Variants in NXPH1 observed in about 807,000 individuals in gnomAD.
The protein encoded by NXPH1 is neurexophilin-1.
In NXPH1, 5 loss-of-function variants were observed where a neutral mutation model predicts 23.7. That is an observed-to-expected ratio of 0.21 (90% confidence interval 0.11 to 0.44). NXPH1 has a LOEUF of 0.44. Ranked by LOEUF, NXPH1 falls within the 20% of genes least tolerant of loss-of-function variation. The pLI is 0.99. For missense variants in NXPH1, 324 were observed against 321.6 expected, an observed-to-expected ratio of 1.01 and a Z score of -0.06; for synonymous variants, 144 against 122.2, an observed-to-expected ratio of 1.18 and a Z score of -1.18.
chr7:8,499,926 T>G (rs1039772268), intron 2 of NXPH1, among the ~76,000 whole-genome samples: 97 of 152,200 alleles, frequency 6.4e-4, no homozygotes, highest in African/African-American at 2.3e-3. Flanking sequence ...ACTTCCCTCA[T>G]GAGGAAGAAG....
chr7:8,744,139 T>G (rs1434391595), intron 2 of NXPH1, among the ~76,000 whole-genome samples: 2 of 152,232 alleles, frequency 1.3e-5, no homozygotes, highest in Non-Finnish European at 2.9e-5. Context: ...CCCTTGTCTA[T>G]GCCCCTATTT....
At chr7:8,660,577 G>A (rs1247400202) in intron 2 of NXPH1, among the ~76,000 whole-genome samples, 1 of 152,044 alleles carries the variant, frequency 6.6e-6, no homozygotes, top group Non-Finnish European at 1.5e-5. Flanking sequence ...TCATTTTTTG[G>A]CATCTGAGGA....
chr7:8,626,576 A>G (rs1819994538), intron 2 of NXPH1, among the ~76,000 whole-genome samples: 1 of 152,038 alleles, frequency 6.6e-6, no homozygotes, highest in Non-Finnish European at 1.5e-5. Context: ...GATAGGATTC[A>G]TTAGCACACT....
At chr7:8,732,025 G>A (rs1280075214) in intron 2 of NXPH1, among the ~76,000 whole-genome samples, 1 of 152,252 alleles carries the variant, frequency 6.6e-6, no homozygotes, top group Non-Finnish European at 1.5e-5. Context: ...CGAGCCAGGT[G>A]CGGGATATAA....
intron 2 of NXPH1, among the ~76,000 whole-genome samples, chr7:8,548,183 A>G (rs1452265705): frequency 6.6e-6 from 1 of 151,472 alleles, no homozygotes; most frequent in East Asian, 2.0e-4. Flanking sequence ...ACCTGTTTGA[A>G]ATCACTTAAC....
intron 2 of NXPH1, among the ~76,000 whole-genome samples, chr7:8,700,700 T>C (rs1219036951): frequency 6.6e-6 from 1 of 152,064 alleles, no homozygotes; most frequent in Admixed American, 6.6e-5. Flanking sequence ...GAATTTGGGG[T>C]AGCTCCCTTT....
intron 2 of NXPH1, among the ~76,000 whole-genome samples, chr7:8,587,485 A>G (rs971499807): frequency 6.6e-6 from 1 of 151,918 alleles, no homozygotes; most frequent in Non-Finnish European, 1.5e-5. Flanking sequence ...GCTTCAGGAG[A>G]TAATCTTTTT....
intron 2 of NXPH1, among the ~76,000 whole-genome samples, chr7:8,471,963 T>A (rs1338319896): frequency 6.6e-6 from 1 of 151,878 alleles, no homozygotes; most frequent in Admixed American, 6.6e-5. Flanking sequence ...AATTCATTTA[T>A]TATTTTTTTG....
intron 2 of NXPH1, among the ~76,000 whole-genome samples, chr7:8,732,301 T>G: frequency 6.6e-6 from 1 of 152,250 alleles, no homozygotes; most frequent in South Asian, 2.1e-4. Context: ...TCACCTGTCT[T>G]CTGTGTCGCT....
intron 2 of NXPH1, among the ~76,000 whole-genome samples, chr7:8,692,957 G>T (rs6971685): frequency 0.47 from 71,087 of 151,898 alleles, 18,154 homozygotes; most frequent in East Asian, 0.8. Context: ...ACAGAAGCCC[G>T]TTACAAGTAA....
chr7:8,598,286 A>G (rs1361283075), intron 2 of NXPH1, among the ~76,000 whole-genome samples: 1 of 152,168 alleles, frequency 6.6e-6, no homozygotes, highest in East Asian at 1.9e-4. Context: ...TTAAGAAGCC[A>G]GTAGGCCTGC....
intron 2 of NXPH1, among the ~76,000 whole-genome samples, chr7:8,496,768 C>A (rs1323283392): frequency 6.6e-6 from 1 of 152,038 alleles, no homozygotes; most frequent in African/African-American, 2.4e-5. Flanking sequence ...CAATGTCTCA[C>A]AAGAGAAAAG....
At chr7:8,580,890 G>A (rs1402862315) in intron 2 of NXPH1, among the ~76,000 whole-genome samples, 1 of 152,142 alleles carries the variant, frequency 6.6e-6, no homozygotes, top group Non-Finnish European at 1.5e-5. Flanking sequence ...AGATGGAATT[G>A]TTCTTATATT....
intron 2 of NXPH1, among the ~76,000 whole-genome samples, chr7:8,621,115 A>C (rs77656922): frequency 1.3e-5 from 2 of 152,180 alleles, no homozygotes; most frequent in East Asian, 1.9e-4. Flanking sequence ...TAATGGAAAG[A>C]AAATTAAATT....
intron 2 of NXPH1, among the ~76,000 whole-genome samples, chr7:8,647,161 G>T (rs1463548741): frequency 6.6e-6 from 1 of 152,242 alleles, no homozygotes; most frequent in Non-Finnish European, 1.5e-5. Flanking sequence ...ATCAGTCAGA[G>T]CCAAGTGTGG....
At chr7:8,602,111 T>C (rs535081841) in intron 2 of NXPH1, among the ~76,000 whole-genome samples, 51 of 152,378 alleles carry the variant, frequency 3.3e-4, no homozygotes, top group African/African-American at 1.2e-3. Flanking sequence ...GTCATGTTCA[T>C]TGTAAAACAT....
At chr7:8,518,466 C>T (rs965101681) in intron 2 of NXPH1, among the ~76,000 whole-genome samples, 1 of 152,120 alleles carries the variant, frequency 6.6e-6, no homozygotes, top group Non-Finnish European at 1.5e-5. Context: ...ATAAAGCATA[C>T]ATTTATTTCC....
chr7:8,646,340 A>G (rs1474729120), intron 2 of NXPH1, among the ~76,000 whole-genome samples: 1 of 152,142 alleles, frequency 6.6e-6, no homozygotes, highest in Non-Finnish European at 1.5e-5. Flanking sequence ...ATATCCGACA[A>G]TCTTTTAAAC....
intron 2 of NXPH1, among the ~76,000 whole-genome samples, chr7:8,607,820 TAG>T (rs1388937655): frequency 6.6e-6 from 1 of 152,174 alleles, no homozygotes; most frequent in Non-Finnish European, 1.5e-5. Context: ...AATTTGGAAA[TAG>T]AGTCATAACA....
Sources: gnomAD v4.1 joint callset for allele counts (sites outside exome capture counted in the v4.1 genomes callset) on GRCh38, gnomAD v4.1.1 for gene constraint, MANE v1.5 for transcripts, NCBI Gene and HGNC (gene_info 2026-07-23, HGNC 2026-07-21) for gene names.